Variants in TMEM183A observed in about 807,000 individuals in gnomAD.
The protein encoded by TMEM183A is chromosome 1 open reading frame 37.
Under a neutral mutation model 46.7 loss-of-function variants are expected in TMEM183A, and 21 were observed. The observed-to-expected ratio is 0.45, with a 90% CI of 0.32 to 0.65. The LOEUF (loss-of-function observed/expected upper bound fraction) is 0.65. Among genes scored for constraint, TMEM183A ranks in the 30% least tolerant of loss-of-function variants. The pLI, the probability that TMEM183A is intolerant of heterozygous loss-of-function variation, is 0.04. For synonymous variants in TMEM183A, 165 were observed against 180.2 expected, an observed-to-expected ratio of 0.92 and a Z score of 0.68; for missense variants, 331 against 481.9, an observed-to-expected ratio of 0.69 and a Z score of 2.93.
intron 3 of TMEM183A, among the ~76,000 whole-genome samples, chr1:203,011,721 T>C (rs1366338005): frequency 6.6e-6 from 1 of 152,188 alleles, no homozygotes; most frequent in Non-Finnish European, 1.5e-5. Context: ...CTTTTTATTA[T>C]TGAATTGTAA....
At chr1:203,008,491 C>G (rs962586007) in intron 2 of TMEM183A, 152 bp from the exon 3 acceptor site, 30 of 320,110 alleles carry the variant, frequency 9.4e-5, no homozygotes, top group South Asian at 1.5e-4. Flanking sequence ...ATACTAAAAT[C>G]TTTATTTTTT....
At chr1:203,020,978 GCTC>G (rs1260133203) in intron 7 of TMEM183A, 30 bp downstream of exon 7, 7 of 1,256,520 alleles carry the variant, frequency 5.6e-6, no homozygotes, top group Non-Finnish European at 7.3e-6. Context: ...GTCATTCTCA[GCTC>G]CTTTTTTTTT....
intron 3 of TMEM183A, among the ~76,000 whole-genome samples, chr1:203,014,233 G>T (rs989485063): frequency 6.6e-6 from 1 of 152,286 alleles, no homozygotes; most frequent in South Asian, 2.1e-4. Flanking sequence ...TAAAATGGGC[G>T]CAATAATATT....
intron 5 of TMEM183A, chr1:203,017,891 C>T (rs1657317355): frequency 3.5e-5 from 35 of 986,048 alleles, no homozygotes; most frequent in Non-Finnish European, 4.2e-5. Context: ...GCTGGCACGG[C>T]GGACGACCCA....
Position 203,020,982 on chromosome 1 carries a change from CTTTTTTT to C in TMEM183A, c.945+45_945+51del. The C allele has an allele frequency of 6.5e-6, 8 of 1,232,960 alleles. No homozygotes were observed. In the South Asian group the frequency reaches 8.1e-5, roughly 12 times the overall value. 76.4% of individuals were successfully genotyped at this position (1,232,960 alleles called of 1,614,324 possible). On this transcript the variant is annotated intron_variant, in intron 7 of 7. Coordinates refer to ENST00000367242, the MANE Select transcript of TMEM183A (RefSeq NM_138391.6). The stretch of plus-strand genomic sequence containing the variant: ...GGACTCAGGATGTCATTCTCAGCTC[CTTTTTTT>C]TTTTTTTTTTCATTCTGAAAGGAGG...
chr1:203,020,526 G>A (rs1657561899), intron 6 of TMEM183A, among the ~76,000 whole-genome samples: 1 of 152,178 alleles, frequency 6.6e-6, no homozygotes, highest in Admixed American at 6.5e-5. Context: ...CTCTGGTAGA[G>A]GCTGTAAGTT....
intron 7 of TMEM183A, among the ~76,000 whole-genome samples, chr1:203,022,059 A>G (rs1231020832): frequency 1.3e-5 from 2 of 152,036 alleles, no homozygotes; most frequent in African/African-American, 4.8e-5. Context: ...ATTGTGTCAT[A>G]TATACAGTTT....
chr1:203,017,583 T>G lies in TMEM183A; in HGVS notation c.709-898T>G, dbSNP rs560829176. Among the ~76,000 whole-genome samples, 46 of 152,316 alleles carry G rather than the reference T, an allele frequency of 3.0e-4. 1 individual carries two copies. Among genetic ancestry groups the G allele is most frequent in the Middle Eastern group, 6.8e-3 (2 of 294 alleles). ...TGCTGCTTTTGTGCCTTGTTAGAGA[T>G]CTTCTGAAGAGGGTATGGGGCCTGC... On this transcript the variant is annotated intron_variant, in intron 5 of 7. Coordinates refer to ENST00000367242, the MANE Select transcript of TMEM183A (RefSeq NM_138391.6).
At chr1:203,008,232 T>G (rs982415228) in intron 2 of TMEM183A, among the ~76,000 whole-genome samples, 3 of 152,210 alleles carry the variant, frequency 2.0e-5, no homozygotes, top group Admixed American at 1.3e-4. Flanking sequence ...TGTTTACTCA[T>G]GGGTCTGAGA....
intron 5 of TMEM183A, chr1:203,018,021 G>C (rs1657328736): frequency 1.1e-6 from 1 of 908,392 alleles, no homozygotes; most frequent in Non-Finnish European, 1.3e-6. Flanking sequence ...CTTACTGGCT[G>C]TCTGCTCCCA....
At chr1:203,019,082 A>T (rs1312749154) in intron 6 of TMEM183A, among the ~76,000 whole-genome samples, 1 of 152,228 alleles carries the variant, frequency 6.6e-6, no homozygotes, top group Non-Finnish European at 1.5e-5. Context: ...CAAAATCTGA[A>T]ATGCCTCATA....
At chr1:203,021,196 C>T (rs145200828) in intron 7 of TMEM183A, among the ~76,000 whole-genome samples, 3 of 151,984 alleles carry the variant, frequency 2.0e-5, no homozygotes, top group Non-Finnish European at 4.4e-5. Flanking sequence ...CCACCCCTAG[C>T]TAATTTTTAT....
At chr1:203,015,892 C>G in intron 4 of TMEM183A, 68 bp from the exon 5 acceptor site, 3 of 1,563,796 alleles carry the variant, frequency 1.9e-6, no homozygotes, top group Non-Finnish European at 2.6e-6. Flanking sequence ...GACCAGGAGT[C>G]TTAGAAAACT....
chr1:203,007,764 T>C lies in TMEM183A; in HGVS notation c.110-10T>C. On this transcript the variant is annotated splice_polypyrimidine_tract_variant and intron_variant, in intron 1 of 7. Transcript: ENST00000367242. Reference sequence around the variant, plus strand: ...AGGCCTCTTCCTTGAGGGTTGGTGCTGTGTTGCAGTGACCGTGGCGGATTA... The same window carrying C: ...AGGCCTCTTCCTTGAGGGTTGGTGCCGTGTTGCAGTGACCGTGGCGGATTA... 1 of 1,613,886 alleles carries C rather than the reference T, an allele frequency of 6.2e-7. No homozygotes were observed. The highest frequency in any genetic ancestry group is 8.5e-7 in the Non-Finnish European group (1 of 1,179,824).
intron 3 of TMEM183A, among the ~76,000 whole-genome samples, chr1:203,011,305 T>C (rs1168821440): frequency 2.0e-5 from 3 of 152,226 alleles, no homozygotes; most frequent in Admixed American, 6.5e-5. Context: ...TTTAAAATTA[T>C]AATGGATGTG....
At chr1:203,008,910 A>G in intron 3 of TMEM183A, 100 bp downstream of exon 3, 1 of 1,244,498 alleles carries the variant, frequency 8.0e-7, no homozygotes, top group Non-Finnish European at 1.0e-6. Context: ...AAGACGTGAT[A>G]CCAGGAGAGT....
At chr1:203,009,240 A>G (rs191190701) in intron 3 of TMEM183A, among the ~76,000 whole-genome samples, 4 of 152,366 alleles carry the variant, frequency 2.6e-5, no homozygotes, top group Admixed American at 6.5e-5. Flanking sequence ...ACACACAAAC[A>G]TAGACATTAT....
rs902262417 is a variant in TMEM183A, at chr1:203,013,912, G to T, written c.368-977G>T. On this transcript the variant is annotated intron_variant, in intron 3 of 7. Coordinates refer to ENST00000367242, the MANE Select transcript of TMEM183A (RefSeq NM_138391.6). The surrounding 1 kb of genome is among the most constrained non-coding windows in gnomAD (Gnocchi z 4.0). Reference sequence around the variant, plus strand: ...CTGGATTACAGGCACGTGCCACCACGCCCAGCTAATTTTTGTATTTTTAGT... The same window carrying T: ...CTGGATTACAGGCACGTGCCACCACTCCCAGCTAATTTTTGTATTTTTAGT... Among the ~76,000 whole-genome samples the T allele has an allele frequency of 7.2e-5, 11 of 151,882 alleles. No individual in the cohort carries two copies. The highest frequency in any genetic ancestry group is 2.7e-4 in the African/African-American group (11 of 41,328).
chr1:203,014,382 C>T (rs1365658841), intron 3 of TMEM183A, among the ~76,000 whole-genome samples: 1 of 152,168 alleles, frequency 6.6e-6, no homozygotes, highest in African/African-American at 2.4e-5. Context: ...GCGGGTGGAT[C>T]ACTTGAGGCC....
Sources: gnomAD v4.1 joint callset for allele counts (sites outside exome capture counted in the v4.1 genomes callset) on GRCh38, gnomAD v4.1.1 for gene constraint, Gnocchi (gnomAD v3.1) non-coding constraint, MANE v1.5 for transcripts, NCBI Gene and HGNC (gene_info 2026-07-23, HGNC 2026-07-21) for gene names.